LRRC9: variants seen among roughly 807,000 people sequenced by gnomAD.
LRRC9 encodes the protein leucine rich repeat containing 9, also known as leucine-rich repeat-containing protein 9.
Under a neutral mutation model 63.2 loss-of-function variants are expected in LRRC9, and 122 were observed. The observed-to-expected ratio is 1.93, with a 90% CI of 1.67 to 2.24. The LOEUF (loss-of-function observed/expected upper bound fraction) is 2.24. Ranked by LOEUF, LRRC9 falls within the 30% of genes most tolerant of loss-of-function variation. The pLI, the probability that LRRC9 is intolerant of heterozygous loss-of-function variation, is 0.00. For missense variants in LRRC9, 1,071 were observed against 627.7 expected, an observed-to-expected ratio of 1.71 and a Z score of -7.55; for synonymous variants, 366 against 213.1, an observed-to-expected ratio of 1.72 and a Z score of -6.25.
chr14:60,057,286 TG>T (rs1162765128), intron 30 of LRRC9, among the ~76,000 whole-genome samples: 1 of 152,158 alleles, frequency 6.6e-6, no homozygotes, highest in Non-Finnish European at 1.5e-5. Flanking sequence ...TGCTGATTCC[TG>T]AAATTCTTAC....
chr14:59,965,877 C>G (rs1485116742), intron 10 of LRRC9, among the ~76,000 whole-genome samples: 1 of 32,076 alleles, frequency 3.1e-5, no homozygotes, highest in Non-Finnish European at 6.4e-5. Context: ...AGCGAGACTC[C>G]GCCTCAAAAA....
At chr14:60,061,757 T>G (rs1894670445) in intron 31 of LRRC9, among the ~76,000 whole-genome samples, 1 of 152,242 alleles carries the variant, frequency 6.6e-6, no homozygotes, top group Non-Finnish European at 1.5e-5. Context: ...GGTTTGGATA[T>G]TTATATGTTT....
At chr14:59,937,467 G>T (rs1890233210) in intron 6 of LRRC9, among the ~76,000 whole-genome samples, 1 of 152,130 alleles carries the variant, frequency 6.6e-6, no homozygotes, top group African/African-American at 2.4e-5. Context: ...AACGCTGGGG[G>T]ATGAAACAAG....
chr14:59,960,179 A>T (rs1282690310), intron 9 of LRRC9, among the ~76,000 whole-genome samples, 165 bp downstream of exon 9: 5 of 152,236 alleles, frequency 3.3e-5, no homozygotes, highest in African/African-American at 1.2e-4. Flanking sequence ...ACATATAAGC[A>T]TCATGGGATA....
chr14:60,018,599 G>T, intron 25 of LRRC9, 120 bp downstream of exon 25: 2 of 387,704 alleles, frequency 5.2e-6, no homozygotes, highest in East Asian at 3.5e-5. Flanking sequence ...ATTTTCTTTG[G>T]GTTTTTTTTT....
Position 59,923,686 on chromosome 14 carries a change from C to T in LRRC9, c.-34+3803C>T, listed in dbSNP as rs1439452661. On this transcript the variant is annotated intron_variant, in intron 1 of 31. Coordinates refer to ENST00000445360, the Ensembl canonical transcript of LRRC9. The surrounding 1 kb of genome is among the most constrained non-coding windows in gnomAD (Gnocchi z 4.2). Reference sequence around the variant, plus strand: ...GTGGCTCACGCCTGTAGGCTCACGCCTCCCAGCACTCTGGGAAGCTGAGGT... The same window carrying T: ...GTGGCTCACGCCTGTAGGCTCACGCTTCCCAGCACTCTGGGAAGCTGAGGT... Among the ~76,000 whole-genome samples, 3 of 152,208 alleles carry T rather than the reference C, an allele frequency of 2.0e-5. No individual in the cohort carries two copies. Among genetic ancestry groups the T allele is most frequent in the Non-Finnish European group, 4.4e-5 (3 of 68,036 alleles).
At chr14:60,018,474 G>A (rs1047793903) in exon 25 of LRRC9, 2 of 693,108 alleles carry the variant, frequency 2.9e-6, no homozygotes, top group Admixed American at 4.1e-5. Context: ...TCTACCTAAT[G>A]TGAAGGTAAG....
At chr14:60,065,771 G>A (rs545369238), downstream of LRRC9, among the ~76,000 whole-genome samples, 4 of 147,134 alleles carry the variant, frequency 2.7e-5, no homozygotes, top group South Asian at 6.5e-4. Context: ...CAAATGTCTT[G>A]ATTTATTTTG....
chr14:60,052,615 A>C (rs1893977294), intron 29 of LRRC9, among the ~76,000 whole-genome samples: 1 of 152,250 alleles, frequency 6.6e-6, no homozygotes, highest in South Asian at 2.1e-4. Context: ...ACCCTTTTGA[A>C]GTTAACAACC....
At position 60,042,320 on chromosome 14, in the gene LRRC9, G is replaced by C. The variant is rs531557296; in HGVS notation, c.3990+10257G>C. 6.6e-6 allele frequency among the ~76,000 whole-genome samples: 1 copy of C among 152,222 alleles called. No homozygotes were observed. Among genetic ancestry groups the C allele is most frequent in the Non-Finnish European group, 1.5e-5 (1 of 68,040 alleles). ...AAGTCTGCAGAAGTTTCTGCTGCCT[G>C]TTGTTCAGCTATGCCCTGCCCCCAG... On this transcript the variant is annotated intron_variant, in intron 29 of 31. Coordinates refer to ENST00000445360, the Ensembl canonical transcript of LRRC9. The surrounding 1 kb of genome is among the most constrained non-coding windows in gnomAD (Gnocchi z 4.2).
At chr14:59,926,863 G>C (rs1035906948) in intron 1 of LRRC9, among the ~76,000 whole-genome samples, 19 of 152,110 alleles carry the variant, frequency 1.2e-4, no homozygotes, top group African/African-American at 3.9e-4. Context: ...AAAATGTTCA[G>C]AGAAGCACTA....
At chr14:59,937,717 A>G (rs1248898890) in intron 6 of LRRC9, among the ~76,000 whole-genome samples, 5 of 152,168 alleles carry the variant, frequency 3.3e-5, no homozygotes, top group Non-Finnish European at 5.9e-5. Flanking sequence ...AGGAAAGTAT[A>G]AACAATGACT....
In LRRC9 at chr14:59,964,411, A is replaced by G. The variant is rs1481553288; in HGVS notation, c.1212-2178A>G. Among the ~76,000 whole-genome samples the G allele has an allele frequency of 1.3e-5, 2 of 152,194 alleles. No individual in the cohort carries two copies. The highest frequency in any genetic ancestry group is 1.9e-4 in the East Asian group (1 of 5,182). On this transcript the variant is annotated intron_variant, in intron 10 of 31. Transcript: ENST00000445360. The surrounding 1 kb of genome is among the most constrained non-coding windows in gnomAD (Gnocchi z 4.4). ...TTTCCTTCACCCAGAATGCTTTTGC[A>G]TACCTCACACTTACTTCATCATTGC...
chr14:60,061,748 G>T (rs1404654496), intron 31 of LRRC9, among the ~76,000 whole-genome samples: 2 of 152,152 alleles, frequency 1.3e-5, no homozygotes, highest in Non-Finnish European at 2.9e-5. Context: ...CAGCATGCAG[G>T]TTTGGATATT....
At chr14:59,945,904 A>G (rs895338026) in intron 8 of LRRC9, among the ~76,000 whole-genome samples, 27 of 151,802 alleles carry the variant, frequency 1.8e-4, no homozygotes, top group Non-Finnish European at 1.2e-4. Flanking sequence ...TCACCTATAA[A>G]CTGTCAAAGT....
rs572230857 is a variant in LRRC9 at position 60,007,580 on chromosome 14, T to A, written c.3064-512T>A. On this transcript the variant is annotated intron_variant, in intron 22 of 31. Coordinates refer to ENST00000445360, the Ensembl canonical transcript of LRRC9. ...TTCCTGTTATATCTATATAGACACA[T>A]ACATCCATTTATTAAGCCATTATTC... Among the ~76,000 whole-genome samples the A allele has an allele frequency of 3.9e-5, 6 of 152,324 alleles. 1 individual carries two copies. Among genetic ancestry groups the A allele is most frequent in the African/African-American group, 1.4e-4 (6 of 41,590 alleles).
chr14:59,973,887 C>G (rs1050013389), intron 12 of LRRC9, among the ~76,000 whole-genome samples: 1 of 152,040 alleles, frequency 6.6e-6, no homozygotes, highest in African/African-American at 2.4e-5. Context: ...TAATTTCAAA[C>G]CTTTGAGATT....
chr14:60,025,748 T>A (rs1342787782), intron 27 of LRRC9, among the ~76,000 whole-genome samples: 1 of 151,948 alleles, frequency 6.6e-6, no homozygotes, highest in East Asian at 1.9e-4. Flanking sequence ...CCAGTGTGTG[T>A]TATGGTACAA....
At position 59,971,422 on chromosome 14, in the gene LRRC9, T is replaced by G. The variant is rs565185819; in HGVS notation, c.1507-3154T>G. Among the ~76,000 whole-genome samples the G allele has an allele frequency of 1.5e-3, 228 of 152,318 alleles. 1 individual carries two copies. Among genetic ancestry groups the G allele is most frequent in the South Asian group, 3.1e-3 (15 of 4,830 alleles). On this transcript the variant is annotated intron_variant, in intron 12 of 31. Transcript: ENST00000445360. ...TGGCTTGGCTATTTGGGCTCTCTTT[T>G]GGTTCCATTTGAGTTGTAAAATAGT...
Sources: allele counts gnomAD v4.1 joint callset (sites outside exome capture counted in the v4.1 genomes callset), GRCh38; gene constraint gnomAD v4.1.1; non-coding constraint Gnocchi (gnomAD v3.1); transcripts MANE v1.5; gene names NCBI Gene and HGNC (gene_info 2026-07-23, HGNC 2026-07-21).